The following LANCL3 variants were observed in gnomAD, a reference collection of about 807,000 sequenced individuals.
LANCL3 encodes lanC-like protein 3.
In LANCL3, 19 loss-of-function variants were observed where a neutral mutation model predicts 26.5. The observed-to-expected ratio is 0.72, with a 90% CI of 0.50 to 1.05. LANCL3 has a LOEUF of 1.05. Among genes scored for constraint, LANCL3 ranks in the 50% least tolerant of loss-of-function variants. LANCL3 has a pLI of 0.00. For synonymous variants in LANCL3, 160 were observed against 166.6 expected (o/e 0.96, Z 0.30); for missense variants, 318 against 362.7 (o/e 0.88, Z 1.00).
intron 1 of LANCL3, among the ~76,000 whole-genome samples, chrX:37,591,886 A>G (rs1447325707): frequency 9.1e-6 from 1 of 110,398 alleles, no homozygotes; most frequent in East Asian, 2.9e-4. Flanking sequence ...AAGAGCTGAT[A>G]AAGAAGCATC....
intron 1 of LANCL3, among the ~76,000 whole-genome samples, chrX:37,616,251 G>C (rs1482543790): frequency 8.9e-6 from 1 of 112,212 alleles, no homozygotes; most frequent in Non-Finnish European, 1.9e-5. Context: ...ATGTGACAAA[G>C]AGCCTTTGCC....
At chrX:37,613,856 A>G (rs782804136) in intron 1 of LANCL3, among the ~76,000 whole-genome samples, 142 of 112,427 alleles carry the variant, frequency 1.3e-3, no homozygotes, top group Non-Finnish European at 2.3e-3. Context: ...AGTAGAGGGC[A>G]TGGATTCGAT....
intron 1 of LANCL3, among the ~76,000 whole-genome samples, chrX:37,580,683 C>T (rs781972069): frequency 7.3e-4 from 81 of 111,003 alleles, no homozygotes; most frequent in Middle Eastern, 4.2e-3. Context: ...ACCCTTTTAC[C>T]AACTTCTCCC....
At chrX:37,584,398 A>C (rs1349263122) in intron 1 of LANCL3, among the ~76,000 whole-genome samples, 1 of 109,588 alleles carries the variant, frequency 9.1e-6, no homozygotes, top group African/African-American at 3.4e-5. Flanking sequence ...GAATGGTACC[A>C]GCTCCTCCTT....
intron 3 of LANCL3, among the ~76,000 whole-genome samples, chrX:37,661,209 G>C (rs782171158): frequency 8.9e-6 from 1 of 111,738 alleles, no homozygotes; most frequent in Non-Finnish European, 1.9e-5. Flanking sequence ...GCTAGTAATA[G>C]TCCTGAAAAA....
At chrX:37,639,308 A>T (rs1945942472) in intron 1 of LANCL3, among the ~76,000 whole-genome samples, 1 of 103,842 alleles carries the variant, frequency 9.6e-6, no homozygotes, top group African/African-American at 3.5e-5. Context: ...TATTATATAT[A>T]TATATAACAT....
Position 37,644,121 on chromosome X carries a change from A to G in LANCL3, c.574-11567A>G, listed in dbSNP as rs187743360. ...TATGTTCAAAAACCAGATTCCTCCA[A>G]TGCTTTGGAGAACCATAGAGCTTGG... On this transcript the variant is annotated intron_variant, in intron 1 of 4. Coordinates refer to ENST00000378619, the MANE Select transcript of LANCL3 (RefSeq NM_001170331.2). Among the ~76,000 whole-genome samples the G allele has an allele frequency of 5.0e-3, 559 of 111,499 alleles. 7 individuals are homozygous for G. The highest frequency in any genetic ancestry group is 0.018 in the African/African-American group (539 of 30,658).
At chrX:37,620,029 G>A (rs976565242) in intron 1 of LANCL3, among the ~76,000 whole-genome samples, 11 of 112,153 alleles carry the variant, frequency 9.8e-5, no homozygotes, top group Non-Finnish European at 1.3e-4. Flanking sequence ...ACCTAGAAAC[G>A]TCTTTCCCTC....
chrX:37,597,592 C>A (rs782609166), intron 1 of LANCL3, among the ~76,000 whole-genome samples: 2 of 105,042 alleles, frequency 1.9e-5, no homozygotes. Context: ...TAGCTCACTG[C>A]GAGTTTGAAC....
In LANCL3 at chrX:37,681,384, C is replaced by T. The variant is rs1462776350; in HGVS notation, c.*5571C>T. 2 of 111,814 alleles carry T rather than the reference C, an allele frequency of 1.8e-5. No homozygotes were observed. The highest frequency in any genetic ancestry group is 3.8e-5 in the Non-Finnish European group (2 of 53,184). The allele number at this position is 111,814 out of a possible 1,213,427, so 9.2% of individuals were successfully genotyped here. A position where few individuals can be genotyped will look rare whatever the true frequency, so the allele number is the denominator to read the frequency against. On this transcript the variant is annotated 3_prime_UTR_variant, in exon 5 of 5. Transcript: ENST00000378619. ...TAGCCACATTTCAAGTGTATAAGAG[C>T]TGCATGTGAGTTGGCTATTGTATTG...
intron 2 of LANCL3, among the ~76,000 whole-genome samples, chrX:37,658,707 T>C (rs1926345384): frequency 8.9e-6 from 1 of 112,379 alleles, no homozygotes; most frequent in Non-Finnish European, 1.9e-5. Context: ...TTCTAATTAT[T>C]TCTTTACAAA....
intron 2 of LANCL3, among the ~76,000 whole-genome samples, chrX:37,657,560 T>A (rs1217529417): frequency 1.0e-5 from 1 of 99,908 alleles, no homozygotes; most frequent in African/African-American, 3.9e-5. Context: ...TTTTTTTTTT[T>A]ATAGAGACAG....
intron 1 of LANCL3, among the ~76,000 whole-genome samples, chrX:37,591,476 T>G (rs782071172): frequency 1.8e-5 from 2 of 111,435 alleles, no homozygotes; most frequent in East Asian, 5.7e-4. Context: ...CAGATGATGG[T>G]CTTAGGCCAG....
intron 1 of LANCL3, among the ~76,000 whole-genome samples, chrX:37,606,446 T>A (rs1556420543): frequency 8.9e-6 from 1 of 112,392 alleles, no homozygotes; most frequent in East Asian, 2.8e-4. Context: ...CAGGCCTTTT[T>A]AAGAATAGCA....
At chrX:37,651,701 A>C (rs992653052) in intron 1 of LANCL3, among the ~76,000 whole-genome samples, 3 of 110,512 alleles carry the variant, frequency 2.7e-5, no homozygotes, top group African/African-American at 9.9e-5. Context: ...TGCTGCACTC[A>C]TTAACTCGTC....
chrX:37,675,742 A>G lies in LANCL3; in HGVS notation c.1192A>G (p.Thr398Ala). 1 of 1,162,166 alleles carries G rather than the reference A, an allele frequency of 8.6e-7. No individual in the cohort carries two copies. Among genetic ancestry groups the G allele is most frequent in the South Asian group, 1.9e-5 (1 of 52,049 alleles). ...CAGCTTGTATGAAGGCTTCTCTGGG[A>G]CAGTGTGCTTTCTGATTGACCTGCT... ...IYSLYEGFSG[T>A]VCFLIDLLQP... The change falls in exon 5 of 5, where the codon ACA (threonine) becomes GCA (alanine). Residue 398 changes from threonine (T) to alanine (A), a missense_variant. Thr to Ala is a moderately conservative substitution (Grantham distance 58). Transcript: ENST00000378619.
intron 4 of LANCL3, among the ~76,000 whole-genome samples, chrX:37,673,432 T>C (rs1602138638): frequency 8.9e-6 from 1 of 111,740 alleles, no homozygotes; most frequent in South Asian, 3.8e-4. Flanking sequence ...AATTTTCTTC[T>C]GCATTCAGTT....
At chrX:37,602,055 G>A (rs782392785) in intron 1 of LANCL3, among the ~76,000 whole-genome samples, 5 of 111,907 alleles carry the variant, frequency 4.5e-5, no homozygotes, top group Admixed American at 9.5e-5. Context: ...CTAGGAAAAA[G>A]AGTGAGTGTA....
chrX:37,644,616 C>T (rs1283652645), intron 1 of LANCL3, among the ~76,000 whole-genome samples: 3 of 112,105 alleles, frequency 2.7e-5, no homozygotes, highest in African/African-American at 9.7e-5. Context: ...TTCATGTGCA[C>T]ATCAGGTTTC....
Sources: allele counts gnomAD v4.1 joint callset (sites outside exome capture counted in the v4.1 genomes callset), GRCh38; gene constraint gnomAD v4.1.1; transcripts MANE v1.5; gene names NCBI Gene and HGNC (gene_info 2026-07-23, HGNC 2026-07-21).